The following SAMMSON variants were observed in gnomAD, a reference collection of about 807,000 sequenced individuals.
The protein encoded by SAMMSON is long intergenic non-protein coding RNA 1212.
chr3:70,415,626 A>C (rs1269233536), intron 2 of SAMMSON, among the ~76,000 whole-genome samples: 1 of 152,166 alleles, frequency 6.6e-6, no homozygotes. Context: ...TCAATATGGT[A>C]ATATGTTCTA....
At chr3:70,352,721 T>C (rs1702802351) in intron 7 of SAMMSON, among the ~76,000 whole-genome samples, 1 of 152,104 alleles carries the variant, frequency 6.6e-6, no homozygotes, top group South Asian at 2.1e-4. Flanking sequence ...TTCAATAATG[T>C]ATAAACACAA....
At chr3:70,106,845 T>G (rs2067369057) in intron 4 of SAMMSON, among the ~76,000 whole-genome samples, 2 of 152,162 alleles carry the variant, frequency 1.3e-5, no homozygotes, top group South Asian at 4.1e-4. Context: ...AACAGAAATA[T>G]TATTAAAATT....
chr3:70,057,659 T>A (rs35541760), intron 3 of SAMMSON, among the ~76,000 whole-genome samples: 8,490 of 143,302 alleles, frequency 0.059, 326 homozygotes, highest in South Asian at 0.15. Context: ...TATGGATGAG[T>A]GTGTGTGTGT....
chr3:70,187,823 C>G (rs908071947), intron 4 of SAMMSON, among the ~76,000 whole-genome samples: 1 of 151,878 alleles, frequency 6.6e-6, no homozygotes, highest in East Asian at 1.9e-4. Flanking sequence ...CAGTGTGGTG[C>G]TTTTTTTTCT....
At chr3:70,022,231 C>T (rs1280620318) in intron 3 of SAMMSON, among the ~76,000 whole-genome samples, 2 of 142,512 alleles carry the variant, frequency 1.4e-5, no homozygotes, top group African/African-American at 5.3e-5. Flanking sequence ...TTCCAACTGG[C>T]CCCCCAAATG....
At chr3:70,365,627 T>C (rs1447670633) in intron 9 of SAMMSON, among the ~76,000 whole-genome samples, 1 of 151,772 alleles carries the variant, frequency 6.6e-6, no homozygotes, top group East Asian at 1.9e-4. Context: ...TGTTAACCTG[T>C]ACCCTTGCAG....
chr3:70,159,838 G>A (rs1296177795), intron 4 of SAMMSON, among the ~76,000 whole-genome samples: 2 of 152,016 alleles, frequency 1.3e-5, no homozygotes, highest in Non-Finnish European at 2.9e-5. Flanking sequence ...ATTACAGTGT[G>A]AGCCACCGTG....
intron 2 of SAMMSON, among the ~76,000 whole-genome samples, chr3:70,412,461 A>C (rs1180575924): frequency 1.3e-5 from 2 of 152,212 alleles, no homozygotes; most frequent in African/African-American, 4.8e-5. Flanking sequence ...CAAAGTGATC[A>C]AGTCAAAAGA....
chr3:70,112,098 G>A (rs1351154444), intron 4 of SAMMSON, among the ~76,000 whole-genome samples: 2 of 152,092 alleles, frequency 1.3e-5, no homozygotes, highest in South Asian at 4.1e-4. Flanking sequence ...CATTGACTCC[G>A]AAGCAGGGTA....
At chr3:70,071,232 C>T (rs79892183) in intron 3 of SAMMSON, among the ~76,000 whole-genome samples, 105 of 152,152 alleles carry the variant, frequency 6.9e-4, no homozygotes, top group East Asian at 3.3e-3. Flanking sequence ...CTGCCTCTGA[C>T]CCCAGCTTTC....
chr3:70,304,636 A>T (rs1446637223), intron 7 of SAMMSON, among the ~76,000 whole-genome samples: 1 of 152,110 alleles, frequency 6.6e-6, no homozygotes, highest in Non-Finnish European at 1.5e-5. Flanking sequence ...CCTAAAATTC[A>T]ATTATTTCTA....
chr3:70,018,982 G>C (rs1437087513), intron 3 of SAMMSON, among the ~76,000 whole-genome samples: 1 of 152,206 alleles, frequency 6.6e-6, no homozygotes, highest in Non-Finnish European at 1.5e-5. Context: ...TACATTTGCT[G>C]AGGAGTGCTT....
chr3:70,110,405 C>G (rs58452430), intron 4 of SAMMSON, among the ~76,000 whole-genome samples: 2,922 of 152,212 alleles, frequency 0.019, 94 homozygotes, highest in African/African-American at 0.065. Context: ...CAGCCAATTC[C>G]ATCTAACTCA....
intron 4 of SAMMSON, among the ~76,000 whole-genome samples, chr3:70,240,521 T>G (rs1701657185): frequency 6.6e-6 from 1 of 152,268 alleles, no homozygotes. Context: ...CTTCTTACTG[T>G]GAAAATCCTT....
At chr3:70,284,064 T>C (rs1415606846) in intron 6 of SAMMSON, among the ~76,000 whole-genome samples, 1 of 152,144 alleles carries the variant, frequency 6.6e-6, no homozygotes, top group East Asian at 1.9e-4. Flanking sequence ...TGGAATGAAC[T>C]TGGTTTTAAA....
At chr3:70,417,451 T>C (rs1408805937) in intron 2 of SAMMSON, among the ~76,000 whole-genome samples, 1 of 152,206 alleles carries the variant, frequency 6.6e-6, no homozygotes, top group Non-Finnish European at 1.5e-5. Context: ...TTCTTTAATT[T>C]AGAGCTTTGA....
intron 4 of SAMMSON, among the ~76,000 whole-genome samples, chr3:70,226,604 G>T (rs1388142063): frequency 6.6e-6 from 1 of 151,982 alleles, no homozygotes; most frequent in African/African-American, 2.4e-5. Flanking sequence ...CAGGCATGGT[G>T]GCGGGTGCCT....
intron 1 of SAMMSON, among the ~76,000 whole-genome samples, chr3:70,007,684 C>A (rs2066934036): frequency 6.6e-6 from 1 of 151,888 alleles, no homozygotes; most frequent in African/African-American, 2.4e-5. Context: ...GCTTTTGTTG[C>A]CATTGCTTTT....
In SAMMSON at chr3:70,195,478, G is replaced by C. The variant is rs528755816; in HGVS notation, n.508-53629G>C. 1.2e-4 allele frequency among the ~76,000 whole-genome samples: 19 copies of C among 152,266 alleles called. 1 individual carries two copies. The South Asian group carries it at 3.5e-3, about 28-fold the overall frequency. The stretch of plus-strand genomic sequence containing the variant: ...TTTTAACAGATGAATAGTTTTCAAT[G>C]TTTGGGAGAGTTTATTTCAAATTGG... On this transcript the variant is annotated intron_variant and non_coding_transcript_variant, in intron 4 of 9. Transcript: ENST00000642114.
Sources: allele counts gnomAD v4.1 joint callset (sites outside exome capture counted in the v4.1 genomes callset), GRCh38; gene constraint gnomAD v4.1.1; transcripts MANE v1.5; gene names NCBI Gene and HGNC (gene_info 2026-07-23, HGNC 2026-07-21).